ACOT1: variants seen among roughly 807,000 people sequenced by gnomAD.
ACOT1 encodes the protein acyl-coenzyme A thioesterase 1.
In ACOT1, 8 loss-of-function variants were observed where a neutral mutation model predicts 15.7. That is an observed-to-expected ratio of 0.51 (90% CI 0.30 to 0.92). The LOEUF (loss-of-function observed/expected upper bound fraction) is 0.92, where lower values mean the gene tolerates loss of function less well. ACOT1 is among the 40% of genes least tolerant of loss of function. The probability of loss-of-function intolerance (pLI) is 0.06; values close to 1 mark genes in which losing one functional copy is unlikely to be tolerated. For missense variants in ACOT1, 151 were observed against 539.4 expected (o/e 0.28, Z 7.13); for synonymous variants, 67 against 241.2 (o/e 0.28, Z 6.69).
At chr14:73,514,578 A>G in the ACOT1 span, among the ~76,000 whole-genome samples, 1 of 152,218 alleles carries the variant, frequency 6.6e-6, no homozygotes, top group African/African-American at 2.4e-5. Flanking sequence ...TTTGCTCATA[A>G]TATTTGATAC....
chr14:73,535,643 T>G (rs543611668), upstream of ACOT1, among the ~76,000 whole-genome samples: 1 of 111,400 alleles, frequency 9.0e-6, no homozygotes, highest in South Asian at 2.9e-4. Flanking sequence ...GAATTTTTTG[T>G]ATTTTTGGTT....
chr14:73,518,475 T>C, the ACOT1 span, among the ~76,000 whole-genome samples: 1 of 152,106 alleles, frequency 6.6e-6, no homozygotes, highest in South Asian at 2.1e-4. Flanking sequence ...TGGGCCCATC[T>C]GAACAGTAAT....
the ACOT1 span, chr14:73,520,987 T>C: frequency 6.2e-7 from 1 of 1,613,836 alleles, no homozygotes; most frequent in South Asian, 1.1e-5. Context: ...TCAGTGCTCT[T>C]GTTGCCAGGC....
At chr14:73,492,259 C>T in the ACOT1 span, 1 of 1,614,032 alleles carries the variant, frequency 6.2e-7, no homozygotes, top group Admixed American at 1.7e-5. The surrounding 1 kb of genome is among the most constrained non-coding windows in gnomAD (Gnocchi z 4.9). Flanking sequence ...ATGGAGTCCA[C>T]TCTCTGCACC....
At chr14:73,529,388 C>T in the ACOT1 span, among the ~76,000 whole-genome samples, 2 of 147,972 alleles carry the variant, frequency 1.4e-5, no homozygotes, top group Non-Finnish European at 3.0e-5. Flanking sequence ...TTAAGTCAAT[C>T]CTGGCATAAC....
the ACOT1 span, among the ~76,000 whole-genome samples, chr14:73,517,814 C>T: frequency 2.6e-5 from 4 of 151,710 alleles, no homozygotes; most frequent in African/African-American, 9.7e-5. Context: ...AGAGGCTGGA[C>T]ACGGTGGCTC....
the ACOT1 span, among the ~76,000 whole-genome samples, chr14:73,499,954 G>C: frequency 6.6e-6 from 1 of 152,210 alleles, no homozygotes; most frequent in African/African-American, 2.4e-5. Context: ...TTTATGCCAG[G>C]CGCGGTGGCT....
At chr14:73,527,559 A>AG in the ACOT1 span, among the ~76,000 whole-genome samples, 2 of 151,584 alleles carry the variant, frequency 1.3e-5, no homozygotes, top group Non-Finnish European at 2.9e-5. Flanking sequence ...CAAAAGAAAA[A>AG]AAATCAAGCA....
the ACOT1 span, among the ~76,000 whole-genome samples, chr14:73,511,536 TAAATAAATAAATAAATAAATAAATAAATA>T: frequency 8.3e-6 from 1 of 120,566 alleles, no homozygotes; most frequent in Non-Finnish European, 1.8e-5. Flanking sequence ...AATAAATAAA[TAAATAAATAAATAAATAAATAAATAAATA>T]AAATAAAATA....
chr14:73,506,945 C>T, the ACOT1 span, among the ~76,000 whole-genome samples: 15 of 151,442 alleles, frequency 9.9e-5, no homozygotes, highest in Admixed American at 6.6e-4. Context: ...GGATTACAGG[C>T]GCCTGCCACC....
chr14:73,510,898 T>C, the ACOT1 span, among the ~76,000 whole-genome samples: 1 of 152,262 alleles, frequency 6.6e-6, no homozygotes, highest in Non-Finnish European at 1.5e-5. Flanking sequence ...GGCCTGCCTG[T>C]TATAAGTTAC....
At chr14:73,509,265 A>T in the ACOT1 span, 2 of 1,555,994 alleles carry the variant, frequency 1.3e-6, no homozygotes, top group African/African-American at 1.4e-5. Flanking sequence ...TGATAGTGAG[A>T]TGTCTATCCC....
Position 73,537,588 on chromosome 14 carries a change from C to T in ACOT1, c.167C>T (p.Thr56Ile). The T allele has an allele frequency of 8.2e-7, 1 of 1,223,058 alleles. No homozygotes were observed. Among genetic ancestry groups the T allele is most frequent in the Non-Finnish European group, 1.1e-6 (1 of 930,016 alleles). 75.8% of individuals were successfully genotyped at this position (1,223,058 alleles called of 1,614,324 possible). A position where few individuals can be genotyped will look rare whatever the true frequency, so the allele number is the denominator to read the frequency against. The part of the protein sequence containing the change: ...FQAHARYRAD[T>I]LGELDLERAP... ...GCCCACGCGCGCTACCGCGCCGACACCCTTGGCGAGCTGGACCTGGAGCGC... is the reference window on the plus strand; with the variant it reads ...GCCCACGCGCGCTACCGCGCCGACATCCTTGGCGAGCTGGACCTGGAGCGC... Residue 56 changes from threonine (T) to isoleucine (I), a missense_variant, in exon 1 of 3, where the codon ACC becomes ATC. Transcript: ENST00000311148.
chr14:73,493,269 AT>A, the ACOT1 span: 32 of 638,020 alleles, frequency 5.0e-5, no homozygotes, highest in Admixed American at 6.6e-5. Flanking sequence ...CAGATATTAG[AT>A]TTTTTTTGGA....
At chr14:73,501,569 C>CT in the ACOT1 span, among the ~76,000 whole-genome samples, 1,855 of 108,112 alleles carry the variant, frequency 0.017, 43 homozygotes, top group Middle Eastern at 0.023. Context: ...GTCTCTCTCT[C>CT]TTTTTTTTTT....
At chr14:73,491,591 C>G in the ACOT1 span, 6 of 1,545,822 alleles carry the variant, frequency 3.9e-6, no homozygotes, top group African/African-American at 1.4e-5. Context: ...CTTGGCCGAG[C>G]TGAACCGCAT....
chr14:73,516,013 C>T, the ACOT1 span, among the ~76,000 whole-genome samples: 1 of 62,130 alleles, frequency 1.6e-5, no homozygotes, highest in Non-Finnish European at 2.6e-5. Context: ...TTGCGGTGAG[C>T]AAGTCTTAGA....
At chr14:73,511,560 T>TAAATAAATAAATA in the ACOT1 span, among the ~76,000 whole-genome samples, 165 of 89,026 alleles carry the variant, frequency 1.9e-3, 1 homozygote, top group Non-Finnish European at 2.7e-3. Context: ...AATAAATAAA[T>TAAATAAATAAATA]AAATAAAATA....
chr14:73,501,572 T>C, the ACOT1 span, among the ~76,000 whole-genome samples: 4 of 129,898 alleles, frequency 3.1e-5, no homozygotes, highest in East Asian at 4.1e-4. Context: ...TCTCTCTCTT[T>C]TTTTTTTTTT....
Sources: allele counts gnomAD v4.1 joint callset (sites outside exome capture counted in the v4.1 genomes callset), GRCh38; gene constraint gnomAD v4.1.1; non-coding constraint Gnocchi (gnomAD v3.1); transcripts MANE v1.5; gene names NCBI Gene and HGNC (gene_info 2026-07-23, HGNC 2026-07-21).